Variants in ITGBL1 observed in about 807,000 individuals in gnomAD.
The protein encoded by ITGBL1 is integrin subunit beta like 1.
A neutral mutation model predicts 68.5 loss-of-function variants in ITGBL1; 51 were observed. That is an observed-to-expected ratio of 0.74 (90% CI 0.59 to 0.94). The LOEUF is 0.94. ITGBL1 is among the 40% of genes least tolerant of loss of function. The probability of loss-of-function intolerance (pLI) is 0.00; values close to 1 mark genes in which losing one functional copy is unlikely to be tolerated. For missense variants in ITGBL1, 649 were observed against 647.4 expected (o/e 1.00, Z -0.03); for synonymous variants, 209 against 227.3 (o/e 0.92, Z 0.72).
chr13:101,663,945 T>C (rs1223398050), intron 7 of ITGBL1, among the ~76,000 whole-genome samples: 1 of 152,172 alleles, frequency 6.6e-6, no homozygotes, highest in African/African-American at 2.4e-5. Context: ...ATGTTCTCTC[T>C]CTCTCTTGAG....
intron 7 of ITGBL1, among the ~76,000 whole-genome samples, chr13:101,636,583 A>G (rs1370934091): frequency 3.9e-5 from 6 of 152,142 alleles, no homozygotes; most frequent in Non-Finnish European, 8.8e-5. Context: ...ATTAATTGGA[A>G]CCTTCTTATT....
chr13:101,629,813 CATTTATTT>C, intron 7 of ITGBL1, among the ~76,000 whole-genome samples: 1 of 151,868 alleles, frequency 6.6e-6, no homozygotes. Context: ...ATTTTGAGCC[CATTTATTT>C]ATTTATTCAT....
chr13:101,644,932 G>C (rs1252954496), intron 7 of ITGBL1, among the ~76,000 whole-genome samples: 4 of 152,192 alleles, frequency 2.6e-5, no homozygotes, highest in Admixed American at 6.5e-5. Flanking sequence ...AAGGATTTTA[G>C]ATAGAAGATG....
rs138584313 is a variant in ITGBL1, at chr13:101,501,349, C to G, written c.316+47249C>G. 8.8e-3 allele frequency among the ~76,000 whole-genome samples: 1,345 copies of G among 152,316 alleles called. 9 individuals carry two copies. Among genetic ancestry groups the G allele is most frequent in the Middle Eastern group, 0.027 (8 of 294 alleles). On this transcript the variant is annotated intron_variant, in intron 2 of 10. Transcript: ENST00000376180. ...GTATGGAGAGTGACTGTCCTGTTAT[C>G]TACTGTTGGTGTGGCTAGACTTATT...
At chr13:101,593,461 T>C (rs1025537415) in intron 6 of ITGBL1, among the ~76,000 whole-genome samples, 2 of 152,032 alleles carry the variant, frequency 1.3e-5, no homozygotes, top group Non-Finnish European at 2.9e-5. Flanking sequence ...ATGTCAAAGA[T>C]ATATCTGTAC....
At chr13:101,532,469 C>A (rs2049501236) in intron 2 of ITGBL1, among the ~76,000 whole-genome samples, 1 of 152,122 alleles carries the variant, frequency 6.6e-6, no homozygotes, top group Non-Finnish European at 1.5e-5. Context: ...ATGCTAATTG[C>A]AAGTTAATCT....
At chr13:101,522,821 T>TGATC (rs1158312232) in intron 2 of ITGBL1, among the ~76,000 whole-genome samples, 1 of 152,194 alleles carries the variant, frequency 6.6e-6, no homozygotes, top group African/African-American at 2.4e-5. Flanking sequence ...GACATTGTTT[T>TGATC]GATCCAGGCA....
intron 6 of ITGBL1, among the ~76,000 whole-genome samples, chr13:101,592,181 A>G (rs1435288679): frequency 1.3e-5 from 2 of 152,078 alleles, no homozygotes; most frequent in Non-Finnish European, 2.9e-5. Context: ...CTGTATATTC[A>G]TGTGTTGAAA....
rs142099503 is a variant in ITGBL1, at chr13:101,583,871, C to A, written c.868+515C>A. Among the ~76,000 whole-genome samples the A allele has an allele frequency of 9.3e-3, 1,410 of 152,260 alleles. 28 individuals are homozygous for A. The highest frequency in any genetic ancestry group is 0.034 in the Middle Eastern group (10 of 294). ...GACTAGAGATGAGAGGGCACCCACT[C>A]TTTTAAAGTTAGTCTAATTCCTCAC... On this transcript the variant is annotated intron_variant, in intron 6 of 10. Transcript: ENST00000376180.
chr13:101,536,545 T>C (rs2049580128), intron 2 of ITGBL1, among the ~76,000 whole-genome samples: 1 of 152,042 alleles, frequency 6.6e-6, no homozygotes. Flanking sequence ...AGTATAACTT[T>C]ATGATTTGAG....
At chr13:101,462,862 C>T (rs1455639441) in intron 2 of ITGBL1, among the ~76,000 whole-genome samples, 1 of 152,180 alleles carries the variant, frequency 6.6e-6, no homozygotes, top group East Asian at 1.9e-4. Flanking sequence ...CGATTACAAG[C>T]GTGAGCCATG....
intron 2 of ITGBL1, among the ~76,000 whole-genome samples, chr13:101,509,145 G>T (rs1175083844): frequency 6.6e-6 from 1 of 152,140 alleles, no homozygotes; most frequent in African/African-American, 2.4e-5. Flanking sequence ...AATCATGGTG[G>T]AAGGCAAGGA....
At chr13:101,656,643 C>G (rs1188670793) in intron 7 of ITGBL1, among the ~76,000 whole-genome samples, 1 of 152,010 alleles carries the variant, frequency 6.6e-6, no homozygotes, top group Non-Finnish European at 1.5e-5. Flanking sequence ...TAAGGATCAC[C>G]CACTTAACAC....
chr13:101,637,110 A>G (rs16959213), intron 7 of ITGBL1, among the ~76,000 whole-genome samples: 19,708 of 152,082 alleles, frequency 0.13, 1,835 homozygotes, highest in African/African-American at 0.27. Context: ...ATGGGAAGAT[A>G]CATCAAAGTT....
At position 101,535,704 on chromosome 13, in the gene ITGBL1, C is replaced by A. The variant is rs755176419; in HGVS notation, c.317-31995C>A. ...TCACAAACAACAACAATGACAATAA[C>A]AATAACAACTTGTTCGGAGATGTTC... On this transcript the variant is annotated intron_variant, in intron 2 of 10. Transcript: ENST00000376180. Among the ~76,000 whole-genome samples the A allele has an allele frequency of 3.0e-4, 46 of 152,058 alleles. 1 individual carries two copies. Among genetic ancestry groups the A allele is most frequent in the Non-Finnish European group, 6.5e-4 (44 of 67,952 alleles).
chr13:101,675,394 C>T (rs748808474), intron 7 of ITGBL1, among the ~76,000 whole-genome samples: 30 of 152,050 alleles, frequency 2.0e-4, no homozygotes, highest in Non-Finnish European at 3.7e-4. Flanking sequence ...ATGGCTTAAA[C>T]GACAGAATTT....
intron 7 of ITGBL1, among the ~76,000 whole-genome samples, chr13:101,649,526 CAAGGT>C (rs1216581421): frequency 6.6e-6 from 1 of 152,078 alleles, no homozygotes; most frequent in African/African-American, 2.4e-5. Context: ...AAAATATTGT[CAAGGT>C]AAGGGACCTG....
intron 2 of ITGBL1, among the ~76,000 whole-genome samples, chr13:101,514,578 T>TA (rs1566710367): frequency 6.6e-6 from 1 of 152,054 alleles, no homozygotes; most frequent in Non-Finnish European, 1.5e-5. Flanking sequence ...ATGAGAAATA[T>TA]AAAAACAAAT....
At chr13:101,566,658 C>A (rs2050188026) in intron 2 of ITGBL1, among the ~76,000 whole-genome samples, 1 of 152,114 alleles carries the variant, frequency 6.6e-6, no homozygotes, top group African/African-American at 2.4e-5. Context: ...ACCATCTGGA[C>A]CTTATCCCTT....
Sources: allele counts gnomAD v4.1 joint callset (sites outside exome capture counted in the v4.1 genomes callset), GRCh38; gene constraint gnomAD v4.1.1; transcripts MANE v1.5; gene names NCBI Gene and HGNC (gene_info 2026-07-23, HGNC 2026-07-21).